Variants in DOCK4 observed in about 807,000 individuals in gnomAD.
DOCK4 encodes the protein dedicator of cytokinesis protein 4.
A neutral mutation model predicts 268.1 loss-of-function variants in DOCK4; 97 were observed. The ratio of observed to expected loss-of-function variants is 0.36; its 90% CI spans 0.31 to 0.43. The LOEUF is 0.43. Ranked by LOEUF, DOCK4 falls within the 20% of genes least tolerant of loss-of-function variation. DOCK4 has a pLI of 1.00. For missense variants in DOCK4, 2,145 were observed against 2,455.7 expected (o/e 0.87, Z 2.67); for synonymous variants, 954 against 887.2 (o/e 1.08, Z -1.34).
intron 16 of DOCK4, among the ~76,000 whole-genome samples, chr7:111,887,638 G>A (rs1807955149): frequency 6.6e-6 from 1 of 152,052 alleles, no homozygotes. Context: ...ACCTAAAGGG[G>A]AAAAACTTCA....
Position 111,732,208 on chromosome 7 carries a change from C to T in DOCK4, c.5481+18G>A, listed in dbSNP as rs779198764. Reference sequence around the variant, plus strand: ...AACTGGGCCAGTCTCTAGCCTCAGTCGAAAGAAGGGCCTTTACCTTCAATG... The same window carrying T: ...AACTGGGCCAGTCTCTAGCCTCAGTTGAAAGAAGGGCCTTTACCTTCAATG... On this transcript the variant is annotated intron_variant, in intron 52 of 52. Transcript: ENST00000428084. 16 of 1,613,216 alleles carry T rather than the reference C, an allele frequency of 9.9e-6. No homozygotes were observed. Among genetic ancestry groups the T allele is most frequent in the Admixed American group, 3.3e-5 (2 of 59,976 alleles).
At chr7:112,082,986 G>T (rs1005149371) in intron 1 of DOCK4, among the ~76,000 whole-genome samples, 2 of 151,966 alleles carry the variant, frequency 1.3e-5, no homozygotes, top group South Asian at 2.1e-4. Context: ...AGTCCACTGG[G>T]TCTACTTTTT....
At chr7:111,785,951 G>A (rs1799135022) in intron 32 of DOCK4, among the ~76,000 whole-genome samples, 1 of 152,132 alleles carries the variant, frequency 6.6e-6, no homozygotes, top group Non-Finnish European at 1.5e-5. Context: ...ATCTGTGTGT[G>A]TGTCGGGGAT....
chr7:112,112,737 C>T (rs1203023400), intron 1 of DOCK4, among the ~76,000 whole-genome samples: 1 of 152,142 alleles, frequency 6.6e-6, no homozygotes, highest in Non-Finnish European at 1.5e-5. Context: ...ATAAATTACC[C>T]AGCCTCAGGT....
intron 1 of DOCK4, among the ~76,000 whole-genome samples, chr7:112,130,180 A>G (rs1157231882): frequency 6.6e-6 from 1 of 152,196 alleles, no homozygotes; most frequent in Non-Finnish European, 1.5e-5. Context: ...AGGCCTGGAC[A>G]GCATCCCAGT....
intron 30 of DOCK4, among the ~76,000 whole-genome samples, chr7:111,796,683 C>T (rs2133835361): frequency 6.6e-6 from 1 of 152,242 alleles, no homozygotes; most frequent in Middle Eastern, 3.4e-3. Context: ...TTAGCATGGG[C>T]CATAATAGCA....
At chr7:112,026,988 G>A (rs1213384675) in intron 1 of DOCK4, among the ~76,000 whole-genome samples, 1 of 152,146 alleles carries the variant, frequency 6.6e-6, no homozygotes, top group Non-Finnish European at 1.5e-5. Context: ...AATGTTGCTC[G>A]GCTGGGCCAG....
intron 1 of DOCK4, among the ~76,000 whole-genome samples, chr7:112,064,976 T>C (rs1245760707): frequency 6.6e-6 from 1 of 152,172 alleles, no homozygotes; most frequent in Non-Finnish European, 1.5e-5. Context: ...CTTGGACTTC[T>C]AGCTTCTAGA....
chr7:111,745,931 C>A (rs928098486), intron 44 of DOCK4, among the ~76,000 whole-genome samples: 1 of 152,012 alleles, frequency 6.6e-6, no homozygotes, highest in Admixed American at 6.6e-5. Flanking sequence ...ACTTCATGCA[C>A]AAAATTATTA....
Position 112,040,012 on chromosome 7 carries a change from C to T in DOCK4, c.38-35881G>A, listed in dbSNP as rs1392912292. On this transcript the variant is annotated intron_variant, in intron 1 of 52. Coordinates refer to ENST00000428084, the MANE Select transcript of DOCK4 (RefSeq NM_001363540.2). ...CTAATAAAATGTAAGTGGTTTGGGG[C>T]CCAGACTTATAACTTACCTTGCATG... 2.6e-5 allele frequency among the ~76,000 whole-genome samples: 4 copies of T among 152,044 alleles called. No homozygotes were observed. In the South Asian group the frequency reaches 6.2e-4, roughly 24 times the overall value.
intron 1 of DOCK4, among the ~76,000 whole-genome samples, chr7:112,203,826 T>TACACAC (rs3056587): frequency 1.0e-4 from 15 of 146,994 alleles, no homozygotes; most frequent in African/African-American, 3.5e-4. Context: ...AAAATTTCAC[T>TACACAC]ACACACACAC....
At chr7:111,911,920 T>G (rs1289487497) in intron 13 of DOCK4, among the ~76,000 whole-genome samples, 1 of 152,152 alleles carries the variant, frequency 6.6e-6, no homozygotes, top group African/African-American at 2.4e-5. Flanking sequence ...AAGGAAATAA[T>G]GGACAGTTGC....
chr7:112,070,615 G>A (rs1299525767), intron 1 of DOCK4, among the ~76,000 whole-genome samples: 3 of 152,038 alleles, frequency 2.0e-5, no homozygotes, highest in Non-Finnish European at 2.9e-5. Context: ...GCCCAGAGAC[G>A]GAGATTTGAA....
chr7:112,046,495 A>G (rs950835601), intron 1 of DOCK4, among the ~76,000 whole-genome samples: 1 of 152,166 alleles, frequency 6.6e-6, no homozygotes. Context: ...GGACATGTCT[A>G]CCTAATACTT....
intron 1 of DOCK4, among the ~76,000 whole-genome samples, chr7:112,142,035 G>A (rs1814982389): frequency 6.6e-6 from 1 of 152,180 alleles, no homozygotes; most frequent in African/African-American, 2.4e-5. Flanking sequence ...TCTATGAAGA[G>A]CAAATACACT....
chr7:111,735,243 C>G (rs1261447516), intron 50 of DOCK4, 76 bp from the exon 51 acceptor site: 1 of 940,040 alleles, frequency 1.1e-6, no homozygotes, highest in African/African-American at 1.7e-5. Context: ...AGAAGAAAGT[C>G]AGAATTATCC....
At chr7:111,900,031 T>C (rs2134410910) in intron 15 of DOCK4, among the ~76,000 whole-genome samples, 1 of 152,318 alleles carries the variant, frequency 6.6e-6, no homozygotes, top group South Asian at 2.1e-4. Flanking sequence ...TCTGAGAGAG[T>C]ACAGTGATGC....
chr7:111,779,086 AAAT>A (rs1347654424), intron 35 of DOCK4, among the ~76,000 whole-genome samples: 3 of 151,926 alleles, frequency 2.0e-5, no homozygotes, highest in Non-Finnish European at 4.4e-5. Flanking sequence ...TAAAAAAAAA[AAAT>A]AAAAAGCAAA....
chr7:112,199,699 G>T (rs1242794823), intron 1 of DOCK4, among the ~76,000 whole-genome samples: 1 of 152,080 alleles, frequency 6.6e-6, no homozygotes, highest in Non-Finnish European at 1.5e-5. Context: ...ATAAAAAAAG[G>T]TACAAAAGAA....
Sources: allele counts gnomAD v4.1 joint callset (sites outside exome capture counted in the v4.1 genomes callset), GRCh38; gene constraint gnomAD v4.1.1; transcripts MANE v1.5; gene names NCBI Gene and HGNC (gene_info 2026-07-23, HGNC 2026-07-21).